The following RGS7 variants were observed in gnomAD, a reference collection of about 807,000 sequenced individuals.
RGS7 encodes regulator of G protein signaling 7, also known as regulator of G-protein signaling 7.
Under a neutral mutation model 81.1 loss-of-function variants are expected in RGS7, and 27 were observed. The observed-to-expected ratio is 0.33, with a 90% CI of 0.25 to 0.46. RGS7 has a LOEUF of 0.46. Among genes scored for constraint, RGS7 ranks in the 20% least tolerant of loss-of-function variants. RGS7 has a pLI of 1.00. For missense variants in RGS7, 396 were observed against 607.4 expected (o/e 0.65, Z 3.66); for synonymous variants, 208 against 207.7 (o/e 1.00, Z -0.01).
rs575738413 is a variant in RGS7, at chr1:241,117,736, T to C, written c.79-18974A>G. On this transcript the variant is annotated intron_variant, in intron 2 of 18. Coordinates refer to ENST00000440928, the MANE Select transcript of RGS7 (RefSeq NM_001364886.1). Reference sequence around the variant, plus strand: ...ATGGATAACAAAGAAGAAACAACCCTAGGAAAAAGTAAAGCTGCAATATAT... The same window carrying C: ...ATGGATAACAAAGAAGAAACAACCCCAGGAAAAAGTAAAGCTGCAATATAT... 1.1e-4 allele frequency among the ~76,000 whole-genome samples: 17 copies of C among 152,184 alleles called. No homozygotes were observed. The South Asian group carries it at 2.5e-3, about 22-fold the overall frequency.
intron 3 of RGS7, among the ~76,000 whole-genome samples, chr1:241,075,603 A>T (rs1193065308): frequency 6.6e-6 from 1 of 152,208 alleles, no homozygotes; most frequent in Non-Finnish European, 1.5e-5. Context: ...GATAAGAAAA[A>T]AAAATGCAAA....
At chr1:241,117,621 G>A (rs1450807168) in intron 2 of RGS7, among the ~76,000 whole-genome samples, 1 of 152,166 alleles carries the variant, frequency 6.6e-6, no homozygotes, top group African/African-American at 2.4e-5. Flanking sequence ...AAAACTCCTG[G>A]TTAATTTGAC....
At chr1:241,014,260 G>A (rs1047414418) in intron 3 of RGS7, among the ~76,000 whole-genome samples, 12 of 152,058 alleles carry the variant, frequency 7.9e-5, no homozygotes, top group Admixed American at 1.3e-4. Context: ...TCCCATGGTC[G>A]ATTCTATAAA....
intron 2 of RGS7, among the ~76,000 whole-genome samples, chr1:241,192,146 G>T (rs1025819396): frequency 2.1e-5 from 3 of 146,110 alleles, no homozygotes; most frequent in African/African-American, 5.1e-5. Flanking sequence ...TGATCATTTG[G>T]CTAGAGAAAA....
At chr1:241,110,453 A>C (rs2065434878) in intron 2 of RGS7, among the ~76,000 whole-genome samples, 1 of 152,202 alleles carries the variant, frequency 6.6e-6, no homozygotes, top group Non-Finnish European at 1.5e-5. Context: ...TCCTCTAAAA[A>C]ATAAATGAAC....
At chr1:241,168,400 G>T (rs2070440283) in intron 2 of RGS7, among the ~76,000 whole-genome samples, 1 of 152,164 alleles carries the variant, frequency 6.6e-6, no homozygotes. Context: ...TTGACAAATA[G>T]AAATTTCTCT....
At chr1:241,221,186 GAGAA>G (rs975533776) in intron 2 of RGS7, among the ~76,000 whole-genome samples, 58 of 106,670 alleles carry the variant, frequency 5.4e-4, no homozygotes, top group Admixed American at 2.8e-3. Context: ...AAAAGAAAGA[GAGAA>G]AGAAAGAGAA....
At chr1:241,120,986 C>T (rs2066217771) in intron 2 of RGS7, among the ~76,000 whole-genome samples, 1 of 152,234 alleles carries the variant, frequency 6.6e-6, no homozygotes, top group East Asian at 1.9e-4. Context: ...TATTTAGACC[C>T]CAGAAGAAAG....
At chr1:241,252,475 C>A (rs1298573433) in intron 2 of RGS7, among the ~76,000 whole-genome samples, 1 of 152,228 alleles carries the variant, frequency 6.6e-6, no homozygotes, top group Non-Finnish European at 1.5e-5. Flanking sequence ...CCACACCCTG[C>A]AACAAATACA....
chr1:241,044,690 C>A (rs777262193), intron 3 of RGS7, among the ~76,000 whole-genome samples: 3 of 152,080 alleles, frequency 2.0e-5, no homozygotes, highest in Non-Finnish European at 4.4e-5. Context: ...CCTCAGCCAC[C>A]CAAGGTTCTG....
chr1:240,918,962 T>G (rs1042799707), intron 6 of RGS7, among the ~76,000 whole-genome samples: 3 of 152,030 alleles, frequency 2.0e-5, no homozygotes, highest in Non-Finnish European at 2.9e-5. Context: ...ACCCCACAAA[T>G]TTGATAACAA....
intron 2 of RGS7, among the ~76,000 whole-genome samples, chr1:241,185,543 T>C (rs896320035): frequency 1.3e-5 from 2 of 152,158 alleles, no homozygotes; most frequent in East Asian, 3.8e-4. Context: ...ATATACATTT[T>C]TTTCAAGTGC....
At chr1:241,304,396 T>C (rs1049212345) in intron 2 of RGS7, among the ~76,000 whole-genome samples, 1 of 152,068 alleles carries the variant, frequency 6.6e-6, no homozygotes, top group African/African-American at 2.4e-5. Context: ...GAGAAGCAAG[T>C]AGGGAAGTCC....
chr1:240,897,283 T>C (rs1426321589), intron 6 of RGS7, among the ~76,000 whole-genome samples: 1 of 152,226 alleles, frequency 6.6e-6, no homozygotes, highest in Admixed American at 6.5e-5. Context: ...TTCTTTCTCC[T>C]GCCTGAGTGC....
intron 2 of RGS7, among the ~76,000 whole-genome samples, chr1:241,189,946 A>G (rs2072478180): frequency 6.6e-6 from 1 of 152,080 alleles, no homozygotes; most frequent in South Asian, 2.1e-4. Context: ...TACTAAAAAT[A>G]CAAAAATTTA....
chr1:240,961,927 GAGGA>G (rs1002888160), intron 4 of RGS7, among the ~76,000 whole-genome samples: 5 of 152,044 alleles, frequency 3.3e-5, no homozygotes, highest in African/African-American at 1.2e-4. Context: ...GGAAGGAAGG[GAGGA>G]AGGAAAATAA....
At chr1:240,848,896 G>A (rs1342449) in intron 9 of RGS7, among the ~76,000 whole-genome samples, 1 of 152,014 alleles carries the variant, frequency 6.6e-6, no homozygotes, top group African/African-American at 2.4e-5. Context: ...AGAGCAACAA[G>A]TAAAAGGTGT....
In RGS7 at chr1:240,961,318, C is replaced by T. The variant is rs1220980947; in HGVS notation, c.226+21761G>A. Among the ~76,000 whole-genome samples, 7 of 15,300 alleles carry T rather than the reference C, an allele frequency of 4.6e-4. No individual in the cohort carries two copies. The South Asian group carries it at 0.031, about 67-fold the overall frequency. 10.0% of individuals were successfully genotyped at this position (15,300 alleles called of 152,430 possible). On this transcript the variant is annotated intron_variant, in intron 4 of 18. Transcript: ENST00000440928. Reference sequence around the variant, plus strand: ...ATTTTACTTCCTTTTTTAATCTCCTCTGCCATCTCCTCCTCATCAGATAAT... The same window carrying T: ...ATTTTACTTCCTTTTTTAATCTCCTTTGCCATCTCCTCCTCATCAGATAAT...
intron 4 of RGS7, among the ~76,000 whole-genome samples, chr1:240,976,171 G>T (rs1684035595): frequency 6.6e-6 from 1 of 152,244 alleles, no homozygotes; most frequent in Admixed American, 6.5e-5. Flanking sequence ...GAGTAAAATA[G>T]CAAAATAGCA....
Sources: gnomAD v4.1 joint callset for allele counts (sites outside exome capture counted in the v4.1 genomes callset) on GRCh38, gnomAD v4.1.1 for gene constraint, MANE v1.5 for transcripts, NCBI Gene and HGNC (gene_info 2026-07-23, HGNC 2026-07-21) for gene names.